The following GARNL3 variants were observed in gnomAD, a reference collection of about 807,000 sequenced individuals.
GARNL3 encodes the protein GTPase-activating Rap/Ran-GAP domain-like protein 3.
Under a neutral mutation model 125.0 loss-of-function variants are expected in GARNL3, and 63 were observed. The observed-to-expected ratio is 0.50, with a 90% confidence interval of 0.41 to 0.62. GARNL3 has a LOEUF of 0.62. Among genes scored for constraint, GARNL3 ranks in the 20% least tolerant of loss-of-function variants. GARNL3 has a pLI of 0.00. For missense variants in GARNL3, 994 were observed against 1,244.0 expected (o/e 0.80, Z 3.02); for synonymous variants, 439 against 457.5 (o/e 0.96, Z 0.52).
At chr9:127,357,481 A>G in intron 21 of GARNL3, 104 bp downstream of exon 21, 1 of 1,040,820 alleles carries the variant, frequency 9.6e-7, no homozygotes, top group Non-Finnish European at 1.4e-6. Context: ...AAAATTATGT[A>G]CTATTCATCA....
intron 16 of GARNL3, among the ~76,000 whole-genome samples, chr9:127,347,054 T>G (rs1049043578): frequency 6.6e-6 from 1 of 152,144 alleles, no homozygotes; most frequent in Non-Finnish European, 1.5e-5. Flanking sequence ...CGCCCCAATA[T>G]TCAACAGTTC....
intron 22 of GARNL3, among the ~76,000 whole-genome samples, chr9:127,375,043 T>G (rs1009234130): frequency 9.2e-5 from 14 of 152,214 alleles, no homozygotes; most frequent in Non-Finnish European, 1.9e-4. Flanking sequence ...AGAAAATGGC[T>G]TTCTCATGTG....
At chr9:127,351,504 CCTT>C (rs1457328484) in intron 17 of GARNL3, among the ~76,000 whole-genome samples, 1 of 151,708 alleles carries the variant, frequency 6.6e-6, no homozygotes, top group Non-Finnish European at 1.5e-5. Flanking sequence ...ATCTTCAGGG[CCTT>C]CTTTATATTT....
chr9:127,263,674 A>G, upstream of GARNL3: 1 of 1,092,608 alleles, frequency 9.2e-7, no homozygotes, highest in Non-Finnish European at 1.1e-6. Context: ...TAGAAGCAAG[A>G]ATGTAGCCTG....
chr9:127,265,145 A>G, intron 1 of GARNL3, 124 bp downstream of exon 1: 1 of 675,202 alleles, frequency 1.5e-6, no homozygotes, highest in Non-Finnish European at 2.4e-6. Context: ...TAAGGATTGG[A>G]TTGGAATAAA....
At chr9:127,334,569 C>T (rs1435227006) in intron 9 of GARNL3, among the ~76,000 whole-genome samples, 1 of 152,206 alleles carries the variant, frequency 6.6e-6, no homozygotes, top group African/African-American at 2.4e-5. Context: ...ATGCCTGCCT[C>T]TCATACCCCC....
upstream of GARNL3, among the ~76,000 whole-genome samples, chr9:127,261,272 C>G (rs1239313786): frequency 6.6e-6 from 1 of 151,808 alleles, no homozygotes; most frequent in Non-Finnish European, 1.5e-5. Flanking sequence ...AAAGAATCTT[C>G]TATGTGGTCA....
Position 127,336,220 on chromosome 9 carries a change from C to T in GARNL3, c.966C>T (p.Ile322=). 4 of 1,612,310 alleles carry T rather than the reference C, an allele frequency of 2.5e-6. No individual in the cohort carries two copies. Among genetic ancestry groups the T allele is most frequent in the Non-Finnish European group, 2.5e-6 (3 of 1,178,378 alleles). The change falls in exon 11 of 28, where the codon ATC becomes ATT. Residue 322 remains isoleucine, a synonymous_variant. Coordinates refer to ENST00000373387, the MANE Select transcript of GARNL3 (RefSeq NM_032293.5). ...ESSPAFKPSM[I]RSHFTHIFAL... is the part of the protein sequence containing the mutation. ...CTCCTGCCTTTAAGCCTTCCATGAT[C>T]CGCTCCCACTTTACACGTATCCTGG...
chr9:127,254,411 A>G (rs1238677575), intron 2 of GARNL3, among the ~76,000 whole-genome samples: 1 of 152,232 alleles, frequency 6.6e-6, no homozygotes, highest in Non-Finnish European at 1.5e-5. Context: ...CAAAATTTAA[A>G]AAGAAAAACA....
chr9:127,351,466 G>T (rs1011733299), intron 17 of GARNL3, among the ~76,000 whole-genome samples: 1 of 150,010 alleles, frequency 6.7e-6, no homozygotes, highest in South Asian at 2.1e-4. Flanking sequence ...GCTTCTGTTT[G>T]TTTTTGCTTA....
At chr9:127,387,531 C>T (rs1322389655) in intron 25 of GARNL3, among the ~76,000 whole-genome samples, 200 bp downstream of exon 25, 3 of 151,840 alleles carry the variant, frequency 2.0e-5, no homozygotes, top group Non-Finnish European at 2.9e-5. Context: ...TCACCTAAGG[C>T]CAGGAGTTCA....
At chr9:127,261,150 G>A (rs994040791), upstream of GARNL3, among the ~76,000 whole-genome samples, 1 of 152,042 alleles carries the variant, frequency 6.6e-6, no homozygotes, top group Admixed American at 6.5e-5. Context: ...CAGCTACTTG[G>A]GAGGCTGAGG....
At chr9:127,342,165 G>A in intron 13 of GARNL3, 54 bp from the exon 14 acceptor site, 1 of 1,038,744 alleles carries the variant, frequency 9.6e-7, no homozygotes, top group Non-Finnish European at 1.5e-6. Context: ...TTCAATTCTT[G>A]TGTGTGTGTC....
chr9:127,306,756 A>G (rs1195341170), intron 2 of GARNL3, among the ~76,000 whole-genome samples: 2 of 151,108 alleles, frequency 1.3e-5, no homozygotes, highest in Non-Finnish European at 2.9e-5. Flanking sequence ...GTGTGGTGGC[A>G]CACACCTGTA....
chr9:127,231,046 A>T (rs868281174), intron 1 of GARNL3, among the ~76,000 whole-genome samples: 823 of 44,962 alleles, frequency 0.018, 5 homozygotes, highest in Middle Eastern at 0.039. Flanking sequence ...ATATATATAT[A>T]TATATTTTTT....
chr9:127,268,169 C>A (rs1007159925), intron 1 of GARNL3, among the ~76,000 whole-genome samples: 2 of 152,172 alleles, frequency 1.3e-5, no homozygotes, highest in Admixed American at 1.3e-4. Context: ...TCTCATGGAG[C>A]CTTCACTTTA....
chr9:127,338,936 C>T (rs971155287), intron 12 of GARNL3, among the ~76,000 whole-genome samples: 1 of 152,174 alleles, frequency 6.6e-6, no homozygotes, highest in Admixed American at 6.5e-5. Flanking sequence ...AATGGAAGGA[C>T]AGAATAGTGG....
At chr9:127,383,690 T>C in intron 23 of GARNL3, 145 bp downstream of exon 23, 1 of 545,406 alleles carries the variant, frequency 1.8e-6, no homozygotes, top group Non-Finnish European at 3.2e-6. Context: ...AGCGTTCTTT[T>C]TCTTTTTCTT....
At chr9:127,321,291 C>G (rs1487100183) in intron 6 of GARNL3, among the ~76,000 whole-genome samples, 1 of 152,100 alleles carries the variant, frequency 6.6e-6, no homozygotes, top group African/African-American at 2.4e-5. Flanking sequence ...GCCACCGTGC[C>G]CAGCTAATTT....
Sources: gnomAD v4.1 joint callset for allele counts (sites outside exome capture counted in the v4.1 genomes callset) on GRCh38, gnomAD v4.1.1 for gene constraint, MANE v1.5 for transcripts, NCBI Gene and HGNC (gene_info 2026-07-23, HGNC 2026-07-21) for gene names.